Variants in KMT2E observed in about 807,000 individuals in gnomAD.
KMT2E encodes the protein lysine methyltransferase 2E (inactive).
A neutral mutation model predicts 184.6 loss-of-function variants in KMT2E; 30 were observed. That is an observed-to-expected ratio of 0.16 (90% confidence interval 0.12 to 0.22). KMT2E has a LOEUF of 0.22. KMT2E is among the 10% of genes least tolerant of loss of function. The probability of loss-of-function intolerance (pLI) is 1.00; values close to 1 mark genes in which losing one functional copy is unlikely to be tolerated. For synonymous variants in KMT2E, 815 were observed against 776.5 expected, an observed-to-expected ratio of 1.05 and a Z score of -0.82; for missense variants, 2,023 against 2,237.4, an observed-to-expected ratio of 0.90 and a Z score of 1.93.
intron 5 of KMT2E, chr7:105,064,114 A>G: frequency 2.6e-6 from 1 of 378,806 alleles, no homozygotes; most frequent in Non-Finnish European, 5.2e-6. Context: ...TCCCCTAGAG[A>G]AGGTGTGATT....
intron 15 of KMT2E, among the ~76,000 whole-genome samples, chr7:105,100,919 C>G (rs1052066932): frequency 6.6e-6 from 1 of 152,046 alleles, no homozygotes; most frequent in African/African-American, 2.4e-5. Context: ...GTTAACTTGC[C>G]TGGAGTCACA....
chr7:105,105,173 A>T (rs555718480), intron 17 of KMT2E: 61 of 281,268 alleles, frequency 2.2e-4, no homozygotes, highest in African/African-American at 1.3e-3. Flanking sequence ...TCAAAAAAAA[A>T]AGTAATACAA....
intron 1 of KMT2E, 44 bp downstream of exon 1, chr7:105,014,579 G>A (rs796997286): frequency 2.0e-5 from 3 of 152,246 alleles, no homozygotes; most frequent in African/African-American, 7.2e-5. Context: ...GGCTTGCGGG[G>A]TTGGGGTACT....
intron 3 of KMT2E, among the ~76,000 whole-genome samples, chr7:105,056,720 CAG>C (rs1443573268): frequency 6.6e-6 from 1 of 152,108 alleles, no homozygotes; most frequent in East Asian, 1.9e-4. Flanking sequence ...GAGCTTCAGA[CAG>C]AGTATTTGTA....
chr7:105,036,000 TTAA>T (rs1481584450), intron 1 of KMT2E, among the ~76,000 whole-genome samples: 1 of 152,186 alleles, frequency 6.6e-6, no homozygotes, highest in Non-Finnish European at 1.5e-5. Flanking sequence ...GCAGTTTCAT[TTAA>T]TAATCAGAGG....
Position 105,113,459 on chromosome 7 carries a change from G to A in KMT2E, c.*126G>A, listed in dbSNP as rs529151312. ...GTATAAAAAACACCAGTGCTCTTTC[G>A]TTGTATTTTTCTCATTTTTGCTTTT... On this transcript the variant is annotated 3_prime_UTR_variant, in exon 27 of 27. Coordinates refer to ENST00000311117, the MANE Select transcript of KMT2E (RefSeq NM_182931.3). 1.1e-4 allele frequency: 120 copies of A among 1,063,814 alleles called. No individual in the cohort carries two copies. The highest frequency in any genetic ancestry group is 6.0e-4 in the South Asian group (30 of 49,786). The allele number at this position is 1,063,814 out of a possible 1,614,324, so 65.9% of individuals were successfully genotyped here. A position where few individuals can be genotyped will look rare whatever the true frequency, so the allele number is the denominator to read the frequency against.
rs1799535103 is a variant in KMT2E, at chr7:105,114,771, C to T, written c.*1438C>T. 2.6e-5 allele frequency among the ~76,000 whole-genome samples: 4 copies of T among 152,070 alleles called. No homozygotes were observed. Among genetic ancestry groups the T allele is most frequent in the Admixed American group, 2.6e-4 (4 of 15,262 alleles). On this transcript the variant is annotated 3_prime_UTR_variant, in exon 27 of 27. Coordinates refer to ENST00000311117, the MANE Select transcript of KMT2E (RefSeq NM_182931.3). ...TACACTTTGAACCTCTATTTATTTC[C>T]TTTTGAAAATTAGCTAATGATGGTA...
rs747070644 is a variant in KMT2E, at chr7:105,113,350, ATTT to A, written c.*22_*24del. On this transcript the variant is annotated 3_prime_UTR_variant, in exon 27 of 27. Transcript: ENST00000311117. ...TGGCATTAAAATGGACTCCAAAAAC[ATTT>A]TTTTAAATGTTCTGTAAGATAAACT... 6.3e-7 allele frequency: 1 copy of A among 1,589,880 alleles called. No individual in the cohort carries two copies. The highest frequency in any genetic ancestry group is 1.3e-5 in the African/African-American group (1 of 74,124).
At chr7:105,069,171 T>A (rs138182255) in intron 6 of KMT2E, among the ~76,000 whole-genome samples, 1 of 152,202 alleles carries the variant, frequency 6.6e-6, no homozygotes, top group Non-Finnish European at 1.5e-5. Context: ...CCTACTAGAT[T>A]GGTCACTGTT....
At chr7:105,110,453 G>T in intron 24 of KMT2E, 24 bp from the exon 25 acceptor site, 1 of 1,614,042 alleles carries the variant, frequency 6.2e-7, no homozygotes, top group Non-Finnish European at 8.5e-7. Flanking sequence ...TGTTCTCTTT[G>T]GGTCTGCTCT....
At position 105,035,737 on chromosome 7, in the gene KMT2E, C is replaced by G. The variant is rs1032203084; in HGVS notation, c.-188-2389C>G. 9.7e-4 allele frequency among the ~76,000 whole-genome samples: 146 copies of G among 151,018 alleles called. 2 individuals are homozygous for G. Among genetic ancestry groups the G allele is most frequent in the African/African-American group, 2.7e-4 (11 of 41,052 alleles). ...ACCGTGCCCGGCTAATTTTGTATTT[C>G]TAGTAGAGGTGGGGTTTCACCATGT... On this transcript the variant is annotated intron_variant, in intron 1 of 26. Transcript: ENST00000311117.
rs76178856 is a variant in KMT2E, at chr7:105,036,131, A to G, written c.-188-1995A>G. Reference sequence around the variant, plus strand: ...AAATTCTAGATTATTTATTTTACCTATCATCTGGCAGGGTTTTTTGTTGTT... The same window carrying G: ...AAATTCTAGATTATTTATTTTACCTGTCATCTGGCAGGGTTTTTTGTTGTT... On this transcript the variant is annotated intron_variant, in intron 1 of 26. Transcript: ENST00000311117. Among the ~76,000 whole-genome samples the G allele has an allele frequency of 3.1e-3, 445 of 144,874 alleles. 15 individuals are homozygous for G. In the East Asian group the frequency reaches 0.064, roughly 21 times the overall value.
chr7:105,086,984 T>C, intron 13 of KMT2E, among the ~76,000 whole-genome samples: 1 of 147,100 alleles, frequency 6.8e-6, no homozygotes, highest in Admixed American at 6.9e-5. Context: ...CTATATATTA[T>C]ACGCTGTATA....
intron 3 of KMT2E, among the ~76,000 whole-genome samples, chr7:105,050,459 C>T (rs191792480): frequency 2.6e-5 from 4 of 152,192 alleles, no homozygotes; most frequent in Non-Finnish European, 4.4e-5. Flanking sequence ...TAAATATAAT[C>T]TCTGTGTGTG....
intron 1 of KMT2E, among the ~76,000 whole-genome samples, chr7:105,029,760 A>G (rs1240797277): frequency 6.6e-6 from 1 of 152,112 alleles, no homozygotes; most frequent in Non-Finnish European, 1.5e-5. Context: ...GTGATGGCAG[A>G]TATAGATATA....
intron 1 of KMT2E, among the ~76,000 whole-genome samples, chr7:105,019,968 C>T (rs1314964550): frequency 6.6e-6 from 1 of 151,602 alleles, no homozygotes; most frequent in Non-Finnish European, 1.5e-5. Context: ...ATTAGCCGGG[C>T]GTGGTGGCAG....
At chr7:105,029,005 C>G (rs1386337973) in intron 1 of KMT2E, among the ~76,000 whole-genome samples, 1 of 152,086 alleles carries the variant, frequency 6.6e-6, no homozygotes, top group Non-Finnish European at 1.5e-5. Flanking sequence ...TGGCTCATGT[C>G]TATAATCCCA....
rs1411533323 is a variant in KMT2E, at chr7:105,081,732, T to C, written c.1293T>C (p.Tyr431=). The change falls in exon 13 of 27, where the codon TAT becomes TAC. Residue 431 remains tyrosine, a synonymous_variant. Transcript: ENST00000311117. ...IQDGTIHLYI[Y]SIHSIPKGTE... is the part of the protein sequence containing the mutation. ...ATGGAACCATACATCTTTATATTTA[T>C]TCTATACACAGTATTCCAAAGGGAA... The C allele has an allele frequency of 1.3e-6, 2 of 1,540,774 alleles. No homozygotes were observed. The highest frequency in any genetic ancestry group is 1.2e-5 in the South Asian group (1 of 84,464).
chr7:105,025,794 T>C, intron 1 of KMT2E, among the ~76,000 whole-genome samples: 1 of 152,146 alleles, frequency 6.6e-6, no homozygotes, highest in East Asian at 1.9e-4. Context: ...TTGGAAAACT[T>C]GATAAAGGCA....
Sources: gnomAD v4.1 joint callset for allele counts (sites outside exome capture counted in the v4.1 genomes callset) on GRCh38, gnomAD v4.1.1 for gene constraint, MANE v1.5 for transcripts, NCBI Gene and HGNC (gene_info 2026-07-23, HGNC 2026-07-21) for gene names.